The following CATSPER3 variants were observed in gnomAD, a reference collection of about 807,000 sequenced individuals.
The protein encoded by CATSPER3 is cation channel sperm-associated protein 3.
CATSPER3 carries 23 observed loss-of-function variants against 36.6 expected under a neutral mutation model. The observed-to-expected ratio is 0.63, with a 90% CI of 0.45 to 0.89. The LOEUF is 0.89. Ranked by LOEUF, CATSPER3 falls within the 40% of genes least tolerant of loss-of-function variation. CATSPER3 has a pLI of 0.00. For synonymous variants in CATSPER3, 172 were observed against 184.1 expected (o/e 0.93, Z 0.53); for missense variants, 474 against 503.9 (o/e 0.94, Z 0.57).
intron 7 of CATSPER3, among the ~76,000 whole-genome samples, 184 bp from the exon 8 acceptor site, chr5:135,011,337 G>T (rs1437614440): frequency 9.9e-5 from 15 of 152,196 alleles, no homozygotes; most frequent in Non-Finnish European, 8.8e-5. Flanking sequence ...AAAATACTTT[G>T]CTCCAGGGGG....
chr5:134,981,930 G>A (rs1317603103), intron 2 of CATSPER3, among the ~76,000 whole-genome samples: 1 of 152,178 alleles, frequency 6.6e-6, no homozygotes, highest in Non-Finnish European at 1.5e-5. Context: ...AGGAGTTGAA[G>A]ACCAGCCTGG....
intron 2 of CATSPER3, among the ~76,000 whole-genome samples, chr5:134,979,581 G>A (rs998718980): frequency 2.6e-5 from 4 of 152,204 alleles, no homozygotes; most frequent in Non-Finnish European, 5.9e-5. Context: ...ACATTAAAAG[G>A]CATGTGAACA....
intron 3 of CATSPER3, among the ~76,000 whole-genome samples, chr5:134,999,658 C>T (rs1218272143): frequency 6.6e-6 from 1 of 152,144 alleles, no homozygotes; most frequent in African/African-American, 2.4e-5. Context: ...GGTATTTATT[C>T]TCTTTGAAGC....
chr5:134,999,847 T>A (rs1649721736), intron 3 of CATSPER3, among the ~76,000 whole-genome samples: 1 of 152,224 alleles, frequency 6.6e-6, no homozygotes, highest in African/African-American at 2.4e-5. Flanking sequence ...AATCATGTCA[T>A]CTGCAAACAG....
intron 2 of CATSPER3, among the ~76,000 whole-genome samples, chr5:134,994,891 A>G (rs1751924669): frequency 6.6e-6 from 1 of 151,920 alleles, no homozygotes; most frequent in East Asian, 1.9e-4. Flanking sequence ...GGCTTCAGCG[A>G]GACCTCTGTC....
chr5:134,972,019 GA>G (rs200262036), intron 2 of CATSPER3, among the ~76,000 whole-genome samples: 1 of 151,104 alleles, frequency 6.6e-6, no homozygotes, highest in Admixed American at 6.6e-5. Flanking sequence ...TGTGTTTTTA[GA>G]AAAAAAAGGG....
chr5:134,976,489 C>T (rs1350845729), intron 2 of CATSPER3, among the ~76,000 whole-genome samples: 2 of 152,238 alleles, frequency 1.3e-5, no homozygotes, highest in Non-Finnish European at 2.9e-5. Flanking sequence ...TTGCACAGTG[C>T]ACTCCCTGTG....
chr5:134,993,323 T>C (rs1318959747), intron 2 of CATSPER3, among the ~76,000 whole-genome samples: 2 of 152,190 alleles, frequency 1.3e-5, no homozygotes, highest in Non-Finnish European at 2.9e-5. Flanking sequence ...AATGAGAACT[T>C]ATTGTTTATT....
rs560877401 is a variant in CATSPER3, at chr5:134,996,148, G to C, written c.253-125G>C. On this transcript the variant is annotated intron_variant, in intron 2 of 7. Transcript: ENST00000282611. ...GCGTGTGCTGTGTGCCAGAAACTCT[G>C]CCTGGGTTTCTCTCTCATGTGGGTG... The C allele has an allele frequency of 8.3e-6, 10 of 1,199,370 alleles. No homozygotes were observed. The South Asian group carries it at 1.2e-4, about 15-fold the overall frequency. The allele number at this position is 1,199,370 out of a possible 1,614,324, so 74.3% of individuals were successfully genotyped here.
intron 7 of CATSPER3, among the ~76,000 whole-genome samples, chr5:135,010,879 A>G (rs1752173380): frequency 6.6e-6 from 1 of 152,166 alleles, no homozygotes; most frequent in African/African-American, 2.4e-5. Context: ...TGGTTGTGCC[A>G]CTACCTTCCT....
chr5:135,001,235 A>T (rs1336186118), intron 3 of CATSPER3, among the ~76,000 whole-genome samples: 3 of 152,210 alleles, frequency 2.0e-5, no homozygotes, highest in African/African-American at 7.2e-5. Context: ...TTCAGTTTCC[A>T]TGTAGTTGAG....
At chr5:134,971,018 C>T (rs756442277) in intron 2 of CATSPER3, among the ~76,000 whole-genome samples, 3 of 151,668 alleles carry the variant, frequency 2.0e-5, no homozygotes, top group South Asian at 2.1e-4. Flanking sequence ...GGCGCAATCT[C>T]GGCTCACTGC....
intron 3 of CATSPER3, among the ~76,000 whole-genome samples, chr5:135,003,899 C>T (rs1752051627): frequency 6.6e-6 from 1 of 152,248 alleles, no homozygotes; most frequent in Non-Finnish European, 1.5e-5. Context: ...CCTTGTGCTT[C>T]CTGGGTGAGG....
intron 6 of CATSPER3, among the ~76,000 whole-genome samples, chr5:135,009,785 GCTT>G (rs1033720927): frequency 1.4e-4 from 21 of 152,304 alleles, no homozygotes; most frequent in Admixed American, 3.9e-4. Context: ...CTGTGCTGAG[GCTT>G]CTTCTTGGGG....
Position 134,991,899 on chromosome 5 carries a change from G to A in CATSPER3, c.253-4374G>A, listed in dbSNP as rs116186780. On this transcript the variant is annotated intron_variant, in intron 2 of 7. Transcript: ENST00000282611. ...TAGTTTCAGCACTTTGAGAGGCCGA[G>A]GTGGGAGGATTGCTTGAGCCCAGTT... Among the ~76,000 whole-genome samples, 1,134 of 152,306 alleles carry A rather than the reference G, an allele frequency of 7.4e-3. 14 individuals are homozygous for A. Among genetic ancestry groups the A allele is most frequent in the Middle Eastern group, 0.048 (14 of 294 alleles).
chr5:134,999,049 C>A (rs1448397309), intron 3 of CATSPER3, among the ~76,000 whole-genome samples: 1 of 152,064 alleles, frequency 6.6e-6, no homozygotes, highest in Non-Finnish European at 1.5e-5. Context: ...GGTTTTAGGT[C>A]TAGCATTTAA....
At chr5:135,008,697 A>C in intron 4 of CATSPER3, 144 bp from the exon 5 acceptor site, 3 of 724,382 alleles carry the variant, frequency 4.1e-6, no homozygotes, top group Non-Finnish European at 7.5e-6. Context: ...TGCTGGAGCC[A>C]GTGGACTGGG....
At chr5:134,975,379 A>AAGAC (rs932933009) in intron 2 of CATSPER3, 2 of 52,188 alleles carry the variant, frequency 3.8e-5, no homozygotes, top group Non-Finnish European at 7.8e-5. Flanking sequence ...CTTATAAAAA[A>AAGAC]AGACAAACAA....
chr5:134,978,816 T>A (rs1751713856), intron 2 of CATSPER3, among the ~76,000 whole-genome samples: 1 of 151,550 alleles, frequency 6.6e-6, no homozygotes, highest in Non-Finnish European at 1.5e-5. Context: ...GCCTACCAGG[T>A]TCACGCCATC....
Sources: allele counts gnomAD v4.1 joint callset (sites outside exome capture counted in the v4.1 genomes callset), GRCh38; gene constraint gnomAD v4.1.1; transcripts MANE v1.5; gene names NCBI Gene and HGNC (gene_info 2026-07-23, HGNC 2026-07-21).